Variants in WWOX observed in about 807,000 individuals in gnomAD.
WWOX encodes WW domain-containing oxidoreductase.
WWOX carries 69 observed loss-of-function variants against 46.2 expected under a neutral mutation model. The observed-to-expected ratio is 1.49, with a 90% CI of 1.23 to 1.82. The LOEUF is 1.82. WWOX is among the 40% of genes most tolerant of loss of function. The pLI is 0.00. For missense variants in WWOX, 919 were observed against 542.6 expected (o/e 1.69, Z -6.89); for synonymous variants, 359 against 202.6 (o/e 1.77, Z -6.56).
At chr16:78,886,274 A>AT (rs1190103427) in intron 8 of WWOX, among the ~76,000 whole-genome samples, 2 of 144,182 alleles carry the variant, frequency 1.4e-5, no homozygotes, top group South Asian at 2.2e-4. Flanking sequence ...CACATTTGGT[A>AT]TTTTTTCTTT....
chr16:78,607,544 G>GTACA (rs2045789619), intron 8 of WWOX, among the ~76,000 whole-genome samples: 2 of 152,246 alleles, frequency 1.3e-5, no homozygotes, highest in African/African-American at 4.8e-5. Flanking sequence ...CAACCAAAGG[G>GTACA]TCTTAGAGTG....
intron 8 of WWOX, among the ~76,000 whole-genome samples, chr16:78,756,275 T>G (rs911783103): frequency 1.3e-5 from 2 of 152,106 alleles, no homozygotes; most frequent in African/African-American, 2.4e-5. Flanking sequence ...TGGCAGACAG[T>G]TTTGTTCACT....
At chr16:78,380,918 T>C (rs1229230126) in intron 5 of WWOX, among the ~76,000 whole-genome samples, 1 of 152,244 alleles carries the variant, frequency 6.6e-6, no homozygotes, top group African/African-American at 2.4e-5. Flanking sequence ...TAGCATATAT[T>C]GAGAGCCCAT....
At chr16:78,574,760 A>G (rs116076074) in intron 8 of WWOX, among the ~76,000 whole-genome samples, 3,281 of 151,078 alleles carry the variant, frequency 0.022, 120 homozygotes, top group African/African-American at 0.076. Context: ...AAGCTCATAG[A>G]ATAGAAACAG....
intron 5 of WWOX, chr16:78,168,548 C>G (rs532008065): frequency 6.6e-6 from 1 of 152,062 alleles, no homozygotes; most frequent in East Asian, 1.9e-4. Context: ...CTTGCTTGGT[C>G]CATCTGGCTT....
chr16:79,055,644 G>T (rs1465254764), intron 8 of WWOX, among the ~76,000 whole-genome samples: 1 of 152,208 alleles, frequency 6.6e-6, no homozygotes, highest in Non-Finnish European at 1.5e-5. Flanking sequence ...TTTTAAAGGT[G>T]TATGTTTGGG....
intron 8 of WWOX, among the ~76,000 whole-genome samples, chr16:78,820,922 C>A (rs2051476441): frequency 6.6e-6 from 1 of 152,212 alleles, no homozygotes; most frequent in Non-Finnish European, 1.5e-5. Flanking sequence ...TCCCTTACAT[C>A]ACCTTCTCCT....
At chr16:78,775,435 T>C (rs1049799589) in intron 8 of WWOX, among the ~76,000 whole-genome samples, 2 of 152,160 alleles carry the variant, frequency 1.3e-5, no homozygotes, top group Non-Finnish European at 1.5e-5. Context: ...TTGTGGCTTG[T>C]CTACTCCAAG....
chr16:78,939,199 A>C (rs2045803105), intron 8 of WWOX, among the ~76,000 whole-genome samples: 1 of 152,130 alleles, frequency 6.6e-6, no homozygotes, highest in South Asian at 2.1e-4. Flanking sequence ...TCATCAACGT[A>C]TATTCATGGA....
intron 8 of WWOX, among the ~76,000 whole-genome samples, chr16:78,832,618 C>T (rs752879979): frequency 6.6e-6 from 1 of 152,012 alleles, no homozygotes; most frequent in Admixed American, 6.6e-5. Context: ...AAAATGCGTC[C>T]CTCTCTCCTT....
At chr16:78,710,745 G>T (rs560704776) in intron 8 of WWOX, among the ~76,000 whole-genome samples, 1 of 151,154 alleles carries the variant, frequency 6.6e-6, no homozygotes, top group South Asian at 2.1e-4. Flanking sequence ...CTCCTGAGTG[G>T]CTGGGACCGC....
chr16:79,055,513 A>G (rs1450936890), intron 8 of WWOX, among the ~76,000 whole-genome samples: 1 of 152,164 alleles, frequency 6.6e-6, no homozygotes, highest in Non-Finnish European at 1.5e-5. Context: ...ACCTCCATCC[A>G]TTGGAAGTCA....
In WWOX at chr16:78,315,328, ACT is replaced by A. The variant is rs1327444631; in HGVS notation, c.517-71529_517-71528del. On this transcript the variant is annotated intron_variant, in intron 5 of 8. Transcript: ENST00000566780. ...GCTTCATTGTGCCCTTTAGAGGATAACTCTGTAGTTTGATATGATAAAAATAA... is the reference window on the plus strand; with the variant it reads ...GCTTCATTGTGCCCTTTAGAGGATAACTGTAGTTTGATATGATAAAAATAA... 3.3e-5 allele frequency among the ~76,000 whole-genome samples: 5 copies of A among 152,064 alleles called. No homozygotes were observed. The East Asian group carries it at 7.7e-4, about 23-fold the overall frequency.
chr16:78,120,462 C>T lies in WWOX; in HGVS notation c.409+5308C>T, dbSNP rs1007130189. On this transcript the variant is annotated intron_variant, in intron 4 of 8. Transcript: ENST00000566780. ...GCGGGCGCCTGTAGTCCCAGCTACT[C>T]GGGAGGCTGAGGCAGGAGAATGGCG... Among the ~76,000 whole-genome samples the T allele has an allele frequency of 5.9e-5, 9 of 151,524 alleles. No individual in the cohort carries two copies. In the East Asian group the frequency reaches 1.4e-3, roughly 23 times the overall value.
rs550474871 is a variant in WWOX at position 78,449,609 on chromosome 16, C to T, written c.1056+16857C>T. Among the ~76,000 whole-genome samples the T allele has an allele frequency of 4.3e-3, 662 of 152,268 alleles. 6 individuals carry two copies. The highest frequency in any genetic ancestry group is 0.014 in the African/African-American group (593 of 41,548). ...TCTTTTTCTGTTTGCATCCTTTCGT[C>T]ATCCTTTTCTTCCCTCTTTCTGGAC... On this transcript the variant is annotated intron_variant, in intron 8 of 8. Transcript: ENST00000566780.
At chr16:79,210,411 C>G (rs1326524191) in intron 8 of WWOX, among the ~76,000 whole-genome samples, 1 of 152,186 alleles carries the variant, frequency 6.6e-6, no homozygotes, top group African/African-American at 2.4e-5. Context: ...AGTAAGCACC[C>G]TGCATGGTCA....
At chr16:78,203,340 A>C (rs1380771257) in intron 5 of WWOX, among the ~76,000 whole-genome samples, 1 of 152,160 alleles carries the variant, frequency 6.6e-6, no homozygotes. Flanking sequence ...GTTCTGGGAC[A>C]AATCAATATT....
intron 8 of WWOX, among the ~76,000 whole-genome samples, chr16:78,686,186 C>A (rs140789137): frequency 1.3e-5 from 2 of 152,278 alleles, no homozygotes; most frequent in Non-Finnish European, 2.9e-5. Flanking sequence ...CAAAGTGTGG[C>A]TCCCAGGCCA....
chr16:79,040,121 C>G (rs1406685567), intron 8 of WWOX, among the ~76,000 whole-genome samples: 1 of 152,084 alleles, frequency 6.6e-6, no homozygotes, highest in Admixed American at 6.6e-5. Context: ...TGAAGATTGG[C>G]TCACATCAGT....
Sources: allele counts gnomAD v4.1 joint callset (sites outside exome capture counted in the v4.1 genomes callset), GRCh38; gene constraint gnomAD v4.1.1; transcripts MANE v1.5; gene names NCBI Gene and HGNC (gene_info 2026-07-23, HGNC 2026-07-21).